Variants in TRIM24 observed in about 807,000 individuals in gnomAD.
TRIM24 encodes tripartite motif containing 24.
Under a neutral mutation model 123.9 loss-of-function variants are expected in TRIM24, and 29 were observed. The observed-to-expected ratio is 0.23, with a 90% CI of 0.17 to 0.32. TRIM24 has a LOEUF of 0.32. Ranked by LOEUF, TRIM24 falls within the 10% of genes least tolerant of loss-of-function variation. The pLI is 1.00. For synonymous variants in TRIM24, 456 were observed against 461.1 expected, an observed-to-expected ratio of 0.99 and a Z score of 0.14; for missense variants, 932 against 1,295.3, an observed-to-expected ratio of 0.72 and a Z score of 4.31.
At chr7:138,578,883 T>C (rs1186046877) in intron 14 of TRIM24, among the ~76,000 whole-genome samples, 1 of 152,126 alleles carries the variant, frequency 6.6e-6, no homozygotes, top group African/African-American at 2.4e-5. Context: ...ATAATTTTTG[T>C]ATCTTAGGTA....
At chr7:138,492,529 G>A (rs965648145) in intron 1 of TRIM24, among the ~76,000 whole-genome samples, 7 of 152,110 alleles carry the variant, frequency 4.6e-5, no homozygotes, top group African/African-American at 1.7e-4. Context: ...ATTTCTAGGA[G>A]TTAATCCTTA....
chr7:138,513,806 A>T (rs757643644), intron 2 of TRIM24, among the ~76,000 whole-genome samples: 1 of 152,174 alleles, frequency 6.6e-6, no homozygotes, highest in Non-Finnish European at 1.5e-5. Flanking sequence ...GTTTTATTTC[A>T]TTTTATGTAC....
chr7:138,482,862 C>CA (rs1795559562), intron 1 of TRIM24, among the ~76,000 whole-genome samples: 1 of 152,090 alleles, frequency 6.6e-6, no homozygotes, highest in Non-Finnish European at 1.5e-5. Flanking sequence ...TTTGGCCTCT[C>CA]AAAATGCTGA....
At chr7:138,544,112 T>C (rs1024873777) in intron 7 of TRIM24, among the ~76,000 whole-genome samples, 13 of 152,204 alleles carry the variant, frequency 8.5e-5, no homozygotes, top group Non-Finnish European at 2.9e-5. Context: ...TAGTTCTTAC[T>C]CTGTACATTA....
At chr7:138,501,387 C>T (rs1420296044) in intron 1 of TRIM24, among the ~76,000 whole-genome samples, 3 of 151,942 alleles carry the variant, frequency 2.0e-5, no homozygotes, top group African/African-American at 7.2e-5. Flanking sequence ...CATGCCACTG[C>T]ACCCGGCCAA....
chr7:138,584,853 T>G lies in TRIM24; in HGVS notation c.3055T>G (p.Ser1019Ala). The G allele has an allele frequency of 6.2e-7, 1 of 1,613,798 alleles. No individual in the cohort carries two copies. Among genetic ancestry groups the G allele is most frequent in the Non-Finnish European group, 8.5e-7 (1 of 1,179,834 alleles). The change falls in exon 19 of 19, where the codon TCA (serine) becomes GCA (alanine). Residue 1019 changes from serine (S) to alanine (A), a missense_variant. This residue lies in a region of TRIM24 where 104 missense variants were observed against 121.5 expected (regional missense o/e 0.86). Transcript: ENST00000343526. The stretch of plus-strand genomic sequence containing the variant: ...TCCCAAACCAGAATTCAGGAATGAA[T>G]CAGAAGATAATAAATTTAGTGATGA... Reference protein sequence around the residue: ...RFPKPEFRNESEDNKFSDDSD... With the variant: ...RFPKPEFRNEAEDNKFSDDSD...
intron 1 of TRIM24, among the ~76,000 whole-genome samples, chr7:138,502,975 G>T (rs1796073633): frequency 6.6e-6 from 1 of 151,834 alleles, no homozygotes; most frequent in Admixed American, 6.6e-5. Context: ...ATTTTCTTGT[G>T]AAAGTTTTAT....
rs1554434156 is a variant in TRIM24, at chr7:138,492,298, AG to A, written c.365-11989del. Among the ~76,000 whole-genome samples, 77 of 148,738 alleles carry A rather than the reference AG, an allele frequency of 5.2e-4. 1 individual carries two copies. The highest frequency in any genetic ancestry group is 1.7e-3 in the African/African-American group (69 of 40,134). Reference sequence around the variant, plus strand: ...CAAAAAAAAAAAAAAAAAAAAAAAAAGGGAAAGAAAATAAATGTCTATTCAA... The same window carrying A: ...CAAAAAAAAAAAAAAAAAAAAAAAAAGGAAAGAAAATAAATGTCTATTCAA... On this transcript the variant is annotated intron_variant, in intron 1 of 18. Transcript: ENST00000343526.
chr7:138,519,118 G>T, intron 3 of TRIM24, 71 bp from the exon 4 acceptor site: 1 of 1,568,436 alleles, frequency 6.4e-7, no homozygotes, highest in South Asian at 1.1e-5. Context: ...GAATTCAAAT[G>T]AGCAATCTAA....
chr7:138,563,418 A>AT (rs1288188730), intron 9 of TRIM24, among the ~76,000 whole-genome samples: 1 of 152,020 alleles, frequency 6.6e-6, no homozygotes, highest in African/African-American at 2.4e-5. Flanking sequence ...GTTTGGCCCC[A>AT]TCTCCGTCTG....
At chr7:138,523,785 A>C (rs927519346) in intron 4 of TRIM24, among the ~76,000 whole-genome samples, 1 of 151,390 alleles carries the variant, frequency 6.6e-6, no homozygotes, top group Non-Finnish European at 1.5e-5. Context: ...CCTTTCTTAT[A>C]CAAACTTGTC....
chr7:138,467,348 T>TGTTTTGTTTA (rs1554430188), intron 1 of TRIM24, among the ~76,000 whole-genome samples: 4 of 151,492 alleles, frequency 2.6e-5, no homozygotes, highest in African/African-American at 7.3e-5. Context: ...TGTTTTGTTT[T>TGTTTTGTTTA]GTTTTGTTTT....
chr7:138,532,758 T>C (rs746720014), intron 6 of TRIM24, among the ~76,000 whole-genome samples: 12 of 152,202 alleles, frequency 7.9e-5, no homozygotes, highest in Non-Finnish European at 1.6e-4. Context: ...AGAAAGTCAT[T>C]GGTAGCTCAA....
intron 1 of TRIM24, among the ~76,000 whole-genome samples, chr7:138,487,370 A>G (rs977538608): frequency 1.3e-5 from 2 of 152,180 alleles, no homozygotes; most frequent in Non-Finnish European, 2.9e-5. Context: ...AACTTCCAAC[A>G]CTATGTTGAA....
chr7:138,509,610 A>G (rs1796242467), intron 2 of TRIM24, among the ~76,000 whole-genome samples: 2 of 145,680 alleles, frequency 1.4e-5, no homozygotes, highest in South Asian at 4.4e-4. Context: ...AGGGTGAGGC[A>G]GGAAAATTGC....
At chr7:138,514,448 GCTT>G (rs1212522969) in intron 2 of TRIM24, 1 of 152,196 alleles carries the variant, frequency 6.6e-6, no homozygotes, top group Non-Finnish European at 1.5e-5. Flanking sequence ...TCTTGTCCTA[GCTT>G]CTTTTGCCAG....
At chr7:138,509,507 G>A (rs1459618702) in intron 2 of TRIM24, among the ~76,000 whole-genome samples, 2 of 150,354 alleles carry the variant, frequency 1.3e-5, no homozygotes, top group Non-Finnish European at 3.0e-5. Context: ...TTTGAGACCA[G>A]CCTGACCAAT....
At chr7:138,531,405 C>A (rs919953622) in intron 6 of TRIM24, among the ~76,000 whole-genome samples, 3 of 143,826 alleles carry the variant, frequency 2.1e-5, no homozygotes, top group Admixed American at 7.0e-5. Flanking sequence ...GTGTGATGCT[C>A]CCCTTCCTGT....
chr7:138,534,311 G>A (rs1293031346), intron 6 of TRIM24, among the ~76,000 whole-genome samples: 6 of 152,270 alleles, frequency 3.9e-5, no homozygotes, highest in Non-Finnish European at 8.8e-5. Context: ...ATGTTAGGGT[G>A]TCAATTTTAG....
Sources: allele counts gnomAD v4.1 joint callset (sites outside exome capture counted in the v4.1 genomes callset), GRCh38; gene constraint gnomAD v4.1.1; regional missense constraint gnomAD v4.1.1; transcripts MANE v1.5; gene names NCBI Gene and HGNC (gene_info 2026-07-23, HGNC 2026-07-21).